The following CCDC152 variants were observed in gnomAD, a reference collection of about 807,000 sequenced individuals.
CCDC152 encodes coiled-coil domain-containing protein 152.
In CCDC152, 37 loss-of-function variants were observed where a neutral mutation model predicts 38.1. That is an observed-to-expected ratio of 0.97 (90% CI 0.75 to 1.28). CCDC152 has a LOEUF of 1.28. Ranked by LOEUF, CCDC152 falls within the 50% of genes most tolerant of loss-of-function variation. The probability of loss-of-function intolerance (pLI) is 0.00; values close to 1 mark genes in which losing one functional copy is unlikely to be tolerated. For missense variants in CCDC152, 259 were observed against 292.1 expected, an observed-to-expected ratio of 0.89 and a Z score of 0.83; for synonymous variants, 83 against 87.1, an observed-to-expected ratio of 0.95 and a Z score of 0.26.
At chr5:42,783,963 A>G (rs894221569) in intron 6 of CCDC152, among the ~76,000 whole-genome samples, 5 of 152,144 alleles carry the variant, frequency 3.3e-5, no homozygotes, top group Admixed American at 6.5e-5. Flanking sequence ...TGGTGTATAT[A>G]TACCACATTT....
At chr5:42,789,596 TATCTA>T (rs768852260) in intron 6 of CCDC152, among the ~76,000 whole-genome samples, 2 of 152,238 alleles carry the variant, frequency 1.3e-5, no homozygotes, top group African/African-American at 4.8e-5. Context: ...CACTTAATGT[TATCTA>T]ATGTGAAACA....
chr5:42,757,892 G>T (rs6869224), intron 1 of CCDC152, among the ~76,000 whole-genome samples: 131,249 of 151,938 alleles, frequency 0.86, 56,902 homozygotes, highest in East Asian at 1. Context: ...AAAAAAAAAG[G>T]TGGGGGTGGA....
chr5:42,762,649 C>T, intron 3 of CCDC152, 101 bp downstream of exon 3: 1 of 703,906 alleles, frequency 1.4e-6, no homozygotes, highest in Non-Finnish European at 2.5e-6. Context: ...TGTTTTAAGT[C>T]CACATAGAAT....
chr5:42,757,276 C>T (rs540847966), intron 1 of CCDC152, among the ~76,000 whole-genome samples: 2 of 152,108 alleles, frequency 1.3e-5, no homozygotes, highest in South Asian at 4.2e-4. Flanking sequence ...AGAGTGAATT[C>T]TTGAGGGGAG....
Position 42,785,376 on chromosome 5 carries a change from GTTCTTGATTTGGTTCTCAGC to G in CCDC152, c.430+1803_430+1822del, listed in dbSNP as rs1263805574. Among the ~76,000 whole-genome samples the G allele has an allele frequency of 5.3e-5, 8 of 151,994 alleles. No homozygotes were observed. The East Asian group carries it at 1.5e-3, about 29-fold the overall frequency. On this transcript the variant is annotated intron_variant, in intron 6 of 8. Transcript: ENST00000361970. ...GTATGGTAATTGTTAATGGGATTGAGTTCTTGATTTGGTTCTCAGCTTGAGTGTTGTTGGTTTATAAGAAT... is the reference window on the plus strand; with the variant it reads ...GTATGGTAATTGTTAATGGGATTGAGTTGAGTGTTGTTGGTTTATAAGAAT...
At chr5:42,763,013 T>C (rs1254299404) in intron 3 of CCDC152, among the ~76,000 whole-genome samples, 1 of 152,222 alleles carries the variant, frequency 6.6e-6, no homozygotes, top group African/African-American at 2.4e-5. Flanking sequence ...ACATTGAACA[T>C]ACCTGGTTCC....
chr5:42,794,293 C>T, intron 6 of CCDC152, among the ~76,000 whole-genome samples: 1 of 152,090 alleles, frequency 6.6e-6, no homozygotes, highest in South Asian at 2.1e-4. Flanking sequence ...CTTTCTTATA[C>T]CTCCTTCGAC....
intron 5 of CCDC152, among the ~76,000 whole-genome samples, chr5:42,781,148 A>G (rs1464457566): frequency 1.3e-5 from 2 of 152,192 alleles, no homozygotes; most frequent in African/African-American, 2.4e-5. Context: ...AGAAAGGTAC[A>G]TAGGTTTGTC....
intron 6 of CCDC152, among the ~76,000 whole-genome samples, chr5:42,790,793 T>C (rs1759988638): frequency 1.3e-5 from 2 of 152,224 alleles, no homozygotes; most frequent in Admixed American, 1.3e-4. Context: ...CTTGCCTTCG[T>C]AGCCCTATCA....
At position 42,759,203 on chromosome 5, in the gene CCDC152, GA is replaced by G; in HGVS notation, c.86del (p.Lys29ArgfsTer4). ...ACTTATAAATGACTTCTCACAGATAGAAAAGGTATGTAAAGATAGAAAACAA... is the reference window on the plus strand; with the variant it reads ...ACTTATAAATGACTTCTCACAGATAGAAAGGTATGTAAAGATAGAAAACAA... ...DKLINDFSQI[E>X]KKMVETNGKN... On this transcript the variant is annotated frameshift_variant, in exon 2 of 9. Transcript: ENST00000361970. LOFTEE classifies it high-confidence loss of function. 6.5e-7 allele frequency: 1 copy of G among 1,539,374 alleles called. No homozygotes were observed. The highest frequency in any genetic ancestry group is 8.8e-7 in the Non-Finnish European group (1 of 1,136,658).
At chr5:42,788,479 C>G (rs544916564) in intron 6 of CCDC152, among the ~76,000 whole-genome samples, 11 of 152,180 alleles carry the variant, frequency 7.2e-5, no homozygotes, top group Middle Eastern at 3.4e-3. Flanking sequence ...CTTCTGAACT[C>G]AAACTCACAA....
chr5:42,770,655 T>TTTGTCTAC (rs1158761406), intron 4 of CCDC152, among the ~76,000 whole-genome samples: 12 of 152,294 alleles, frequency 7.9e-5, no homozygotes, highest in Admixed American at 7.8e-4. Flanking sequence ...TTAAGATTGT[T>TTTGTCTAC]TTGTCTACTT....
intron 6 of CCDC152, among the ~76,000 whole-genome samples, chr5:42,786,040 T>A (rs1448536960): frequency 2.6e-5 from 4 of 152,048 alleles, no homozygotes; most frequent in Admixed American, 6.5e-5. Context: ...GATTTTTGAA[T>A]CTATGTTTAT....
At chr5:42,796,209 G>T (rs1175004476) in intron 6 of CCDC152, among the ~76,000 whole-genome samples, 8 of 150,534 alleles carry the variant, frequency 5.3e-5, no homozygotes, top group African/African-American at 1.5e-4. Context: ...ACCTGCACAT[G>T]GTGCACATGT....
At chr5:42,762,981 T>TA (rs1285186485) in intron 3 of CCDC152, among the ~76,000 whole-genome samples, 1 of 152,234 alleles carries the variant, frequency 6.6e-6, no homozygotes, top group African/African-American at 2.4e-5. Context: ...TGAGAGAGCC[T>TA]AGAGGCAATA....
chr5:42,763,486 G>A (rs555467804), intron 3 of CCDC152, among the ~76,000 whole-genome samples: 50 of 152,126 alleles, frequency 3.3e-4, no homozygotes, highest in Non-Finnish European at 1.9e-4. Flanking sequence ...GACACAGTAT[G>A]GAAAGGGTGA....
intron 6 of CCDC152, among the ~76,000 whole-genome samples, chr5:42,794,228 A>G (rs1208604626): frequency 6.6e-6 from 1 of 152,204 alleles, no homozygotes; most frequent in Non-Finnish European, 1.5e-5. Context: ...GCCTACAGGT[A>G]AAAAGAAAAG....
intron 6 of CCDC152, among the ~76,000 whole-genome samples, chr5:42,786,102 G>A (rs894732048): frequency 1.3e-5 from 2 of 151,892 alleles, no homozygotes; most frequent in African/African-American, 4.8e-5. Context: ...GCCAGATTTT[G>A]GTATCAGCAT....
intron 6 of CCDC152, among the ~76,000 whole-genome samples, chr5:42,794,130 A>G (rs1452570899): frequency 6.6e-6 from 1 of 152,234 alleles, no homozygotes; most frequent in Non-Finnish European, 1.5e-5. Context: ...AGAAAAGAAC[A>G]TGTGAGATAT....
Sources: gnomAD v4.1 joint callset for allele counts (sites outside exome capture counted in the v4.1 genomes callset) on GRCh38, gnomAD v4.1.1 for gene constraint, MANE v1.5 for transcripts, NCBI Gene and HGNC (gene_info 2026-07-23, HGNC 2026-07-21) for gene names.